RP1: variants seen among roughly 807,000 people sequenced by gnomAD.
RP1 encodes the protein RP1 axonemal microtubule associated.
A neutral mutation model predicts 14.8 loss-of-function variants in RP1; 16 were observed. The observed-to-expected ratio is 1.08, with a 90% CI of 0.73 to 1.65. The LOEUF is 1.65. Among genes scored for constraint, RP1 ranks in the 40% most tolerant of loss-of-function variants. The probability of loss-of-function intolerance (pLI) is 0.00; values close to 1 mark genes in which losing one functional copy is unlikely to be tolerated. For missense variants in RP1, 2,631 were observed against 2,535.0 expected (o/e 1.04, Z -0.81); for synonymous variants, 876 against 883.6 (o/e 0.99, Z 0.15).
In RP1 at chr8:54,568,424, CTGAGTTATTTTGTTCT is replaced by C. The variant is rs1256168757; in HGVS notation, c.-13+9125_-13+9140del. On this transcript the variant is annotated intron_variant, in intron 1 of 22. Transcript: ENST00000636932. Reference sequence around the variant, plus strand: ...TTGGCCAGAACTGGTGGTAGTGTTCCTGAGTTATTTTGTTCTTGAGTTATTTTGTTCTTGAGATATT... The same window carrying C: ...TTGGCCAGAACTGGTGGTAGTGTTCCTGAGTTATTTTGTTCTTGAGATATT... Among the ~76,000 whole-genome samples, 80 of 152,232 alleles carry C rather than the reference CTGAGTTATTTTGTTCT, an allele frequency of 5.3e-4. 1 individual carries two copies. Among genetic ancestry groups the C allele is most frequent in the African/African-American group, 1.7e-3 (71 of 41,534 alleles).
intron 7 of RP1, among the ~76,000 whole-genome samples, chr8:54,672,927 A>G (rs1807210591): frequency 6.6e-6 from 1 of 152,198 alleles, no homozygotes; most frequent in Non-Finnish European, 1.5e-5. Context: ...CTTTTATTGC[A>G]TAGAAAGTCC....
chr8:54,670,704 T>A (rs926336101), intron 7 of RP1, among the ~76,000 whole-genome samples: 32 of 114,500 alleles, frequency 2.8e-4, no homozygotes, highest in South Asian at 8.3e-4. Context: ...TATATATATA[T>A]ATAAAACATT....
upstream of RP1, among the ~76,000 whole-genome samples, chr8:54,614,103 C>T (rs926583392): frequency 1.3e-4 from 20 of 152,148 alleles, no homozygotes; most frequent in Admixed American, 6.6e-4. Context: ...CATTTTATGG[C>T]CAGGGAAGTA....
At chr8:54,597,074 G>A (rs1805165886) in intron 1 of RP1, among the ~76,000 whole-genome samples, 1 of 152,070 alleles carries the variant, frequency 6.6e-6, no homozygotes, top group Admixed American at 6.6e-5. Context: ...GCATTTCCAT[G>A]TTCAATAGAA....
chr8:54,720,273 G>A, exon 16 of RP1: 1 of 1,535,410 alleles, frequency 6.5e-7, no homozygotes, highest in Non-Finnish European at 8.7e-7. Flanking sequence ...TACCAAGGAT[G>A]AGAATGTTTG....
intron 19 of RP1, among the ~76,000 whole-genome samples, chr8:54,754,309 G>A (rs1809446551): frequency 1.3e-5 from 2 of 150,822 alleles, no homozygotes; most frequent in Admixed American, 6.6e-5. Context: ...TAATATGAAC[G>A]CAAGATCTCC....
intron 1 of RP1, among the ~76,000 whole-genome samples, chr8:54,588,109 T>C (rs1443617015): frequency 6.6e-6 from 1 of 152,238 alleles, no homozygotes; most frequent in Non-Finnish European, 1.5e-5. Context: ...TGTGACTTTA[T>C]GCTGTGACTA....
intron 27 of RP1, among the ~76,000 whole-genome samples, chr8:54,861,079 A>G (rs1200700026): frequency 6.6e-6 from 1 of 151,822 alleles, no homozygotes; most frequent in Admixed American, 6.6e-5. Context: ...CCCTTCCTAC[A>G]TTCTGAATAC....
intron 23 of RP1, among the ~76,000 whole-genome samples, chr8:54,780,623 AC>A (rs1252611999): frequency 1.3e-5 from 2 of 152,240 alleles, no homozygotes; most frequent in Non-Finnish European, 2.9e-5. Flanking sequence ...TGTCATTGTT[AC>A]CTAAACAATA....
In RP1 at chr8:54,587,719, C is replaced by T. The variant is rs376536933; in HGVS notation, c.-13+28399C>T. Among the ~76,000 whole-genome samples, 110 of 152,270 alleles carry T rather than the reference C, an allele frequency of 7.2e-4. 3 individuals carry two copies. Among genetic ancestry groups the T allele is most frequent in the Middle Eastern group, 3.4e-3 (1 of 294 alleles). On this transcript the variant is annotated intron_variant, in intron 1 of 22. Transcript: ENST00000636932. ...GACTCTTGGGTCATCTAAAATTAGA[C>T]GGGACAAACCCTTGAGAATGAGCTA...
intron 27 of RP1, among the ~76,000 whole-genome samples, chr8:54,864,200 T>C (rs1366431995): frequency 6.6e-6 from 1 of 152,058 alleles, no homozygotes; most frequent in African/African-American, 2.4e-5. Context: ...ATGAGGAAGG[T>C]GGTGGTGACA....
intron 1 of RP1, among the ~76,000 whole-genome samples, chr8:54,604,337 C>T (rs1429361219): frequency 1.5e-4 from 23 of 152,092 alleles, no homozygotes; most frequent in African/African-American, 3.9e-4. Context: ...TGCTGGATTA[C>T]GTTTATTGAT....
intron 26 of RP1, among the ~76,000 whole-genome samples, chr8:54,853,782 G>A (rs1812114485): frequency 2.4e-5 from 2 of 82,046 alleles, no homozygotes; most frequent in African/African-American, 6.3e-5. Flanking sequence ...AAGGAAGGAA[G>A]AGAAAGAAAG....
intron 1 of RP1, among the ~76,000 whole-genome samples, chr8:54,561,408 C>T (rs1302507875): frequency 2.0e-5 from 3 of 152,138 alleles, no homozygotes; most frequent in Admixed American, 1.3e-4. Flanking sequence ...TGTTTAGTTT[C>T]TGTTTATATT....
intron 14 of RP1, among the ~76,000 whole-genome samples, chr8:54,701,945 C>T (rs1306490729): frequency 6.6e-6 from 1 of 152,098 alleles, no homozygotes; most frequent in African/African-American, 2.4e-5. Context: ...GAGAACCTTG[C>T]ATTTGGGAGT....
chr8:54,776,070 C>A (rs538029122), intron 23 of RP1, among the ~76,000 whole-genome samples: 1 of 152,214 alleles, frequency 6.6e-6, no homozygotes, highest in Non-Finnish European at 1.5e-5. Flanking sequence ...AAGTAATACA[C>A]ATTTAAAAAA....
At chr8:54,637,442 T>C (rs756806639) in intron 3 of RP1, among the ~76,000 whole-genome samples, 5 of 152,196 alleles carry the variant, frequency 3.3e-5, no homozygotes, top group African/African-American at 1.2e-4. Context: ...TTTGCATTTT[T>C]ATTTCTTATC....
chr8:54,620,412 T>C (rs1805826783), intron 1 of RP1, among the ~76,000 whole-genome samples: 3 of 152,250 alleles, frequency 2.0e-5, no homozygotes, highest in African/African-American at 7.2e-5. Flanking sequence ...GGTTATTCCA[T>C]AAAGCCTGGG....
chr8:54,753,184 G>T (rs1460115160), intron 19 of RP1, among the ~76,000 whole-genome samples: 1 of 152,180 alleles, frequency 6.6e-6, no homozygotes, highest in Non-Finnish European at 1.5e-5. Context: ...AAGACCTCTT[G>T]CCTGGAGCAA....
Sources: allele counts gnomAD v4.1 joint callset (sites outside exome capture counted in the v4.1 genomes callset), GRCh38; gene constraint gnomAD v4.1.1; transcripts MANE v1.5; gene names NCBI Gene and HGNC (gene_info 2026-07-23, HGNC 2026-07-21).